Variants in ATAD2 observed in about 807,000 individuals in gnomAD.
ATAD2 encodes ATPase family AAA domain-containing protein 2.
Under a neutral mutation model 168.9 loss-of-function variants are expected in ATAD2, and 62 were observed. The observed-to-expected ratio is 0.37, with a 90% confidence interval of 0.30 to 0.45. The LOEUF (loss-of-function observed/expected upper bound fraction) is 0.45. ATAD2 is among the 20% of genes least tolerant of loss of function. ATAD2 has a pLI of 1.00. For synonymous variants in ATAD2, 613 were observed against 571.6 expected (o/e 1.07, Z -1.03); for missense variants, 1,419 against 1,667.8 (o/e 0.85, Z 2.60).
At chr8:123,360,271 G>T (rs914119616) in intron 9 of ATAD2, among the ~76,000 whole-genome samples, 7 of 152,144 alleles carry the variant, frequency 4.6e-5, no homozygotes, top group African/African-American at 1.7e-4. Flanking sequence ...AATATTCGCA[G>T]TCTACCAGCA....
At chr8:123,373,481 A>G (rs1829211167) in intron 2 of ATAD2, among the ~76,000 whole-genome samples, 1 of 152,136 alleles carries the variant, frequency 6.6e-6, no homozygotes, top group African/African-American at 2.4e-5. Flanking sequence ...AGATACCTAA[A>G]AACTTAAAAT....
At chr8:123,330,100 T>TAGGA (rs1254744531) in intron 24 of ATAD2, among the ~76,000 whole-genome samples, 2 of 148,930 alleles carry the variant, frequency 1.3e-5, no homozygotes, top group Non-Finnish European at 3.0e-5. Flanking sequence ...GCAATCCTCC[T>TAGGA]ACCTCAGTCT....
At chr8:123,403,714 T>A (rs891584742) in intron 1 of ATAD2, among the ~76,000 whole-genome samples, 1 of 152,110 alleles carries the variant, frequency 6.6e-6, no homozygotes, top group Non-Finnish European at 1.5e-5. Flanking sequence ...AGAACAGATG[T>A]AGAATGAAAA....
chr8:123,382,261 T>A lies in ATAD2; in HGVS notation c.172-1584A>T, dbSNP rs534857807. ...TTTTATCAGGGCATTTATTTTTGAT[T>A]TGAGCAAAATATTTGGTTGGTTCAC... is the stretch of plus-strand genomic sequence containing the variant. On this transcript the variant is annotated intron_variant, in intron 1 of 27. Transcript: ENST00000287394. Among the ~76,000 whole-genome samples the A allele has an allele frequency of 7.9e-5, 12 of 152,330 alleles. No homozygotes were observed. In the South Asian group the frequency reaches 2.5e-3, roughly 32 times the overall value.
intron 1 of ATAD2, among the ~76,000 whole-genome samples, chr8:123,389,976 ATATATATAT>A (rs1273366040): frequency 1.8e-4 from 22 of 121,310 alleles, no homozygotes; most frequent in African/African-American, 7.2e-4. Flanking sequence ...ATATATATAT[ATATATATAT>A]TTTTTTTTTT....
intron 24 of ATAD2, 72 bp from the exon 25 acceptor site, chr8:123,328,651 CT>C: frequency 1.4e-6 from 2 of 1,397,080 alleles, no homozygotes; most frequent in Non-Finnish European, 1.9e-6. Context: ...GTGAAAAACC[CT>C]GATATATGAA....
chr8:123,396,074 C>G (rs1812810165), intron 1 of ATAD2, 113 bp downstream of exon 1: 23 of 1,225,476 alleles, frequency 1.9e-5, no homozygotes, highest in Non-Finnish European at 2.2e-5. Flanking sequence ...CACTTCTCCC[C>G]CGACAACTGT....
At chr8:123,388,468 A>G (rs968690939) in intron 1 of ATAD2, among the ~76,000 whole-genome samples, 1 of 152,110 alleles carries the variant, frequency 6.6e-6, no homozygotes, top group Non-Finnish European at 1.5e-5. Context: ...ATCTCAGCTC[A>G]CTGCAACCTC....
upstream of ATAD2, chr8:123,401,173 A>G: frequency 2.0e-6 from 2 of 987,052 alleles, no homozygotes; most frequent in African/African-American, 1.6e-5. Flanking sequence ...GGCAAATGAG[A>G]TCCTGCAGCA....
intron 8 of ATAD2, among the ~76,000 whole-genome samples, 175 bp from the exon 9 acceptor site, chr8:123,361,821 TAAAC>T (rs1210822089): frequency 6.6e-6 from 1 of 152,088 alleles, no homozygotes; most frequent in African/African-American, 2.4e-5. Flanking sequence ...ATAAAAGACT[TAAAC>T]AACTGAGAGG....
At chr8:123,379,562 AT>A (rs67580328) in intron 2 of ATAD2, among the ~76,000 whole-genome samples, 121,395 of 130,114 alleles carry the variant, frequency 0.93, 56,580 homozygotes, top group East Asian at 0.99. Context: ...GTACATACTA[AT>A]TTTTTTTTTT....
chr8:123,338,980 C>T lies in ATAD2; in HGVS notation c.2854+331G>A, dbSNP rs2131304895. On this transcript the variant is annotated intron_variant, in intron 20 of 27. Transcript: ENST00000287394. Reference sequence around the variant, plus strand: ...TTTACTGATGAGAGAGCAAGCATTACTAAAATAGTGAAAAGGTAAAATTAT... The same window carrying T: ...TTTACTGATGAGAGAGCAAGCATTATTAAAATAGTGAAAAGGTAAAATTAT... Among the ~76,000 whole-genome samples, 4 of 152,018 alleles carry T rather than the reference C, an allele frequency of 2.6e-5. No homozygotes were observed. In the South Asian group the frequency reaches 8.3e-4, roughly 32 times the overall value.
At chr8:123,349,230 T>C in intron 14 of ATAD2, 55 bp downstream of exon 14, 1 of 1,546,574 alleles carries the variant, frequency 6.5e-7, no homozygotes, top group Non-Finnish European at 8.8e-7. Context: ...CCAAGACTTA[T>C]TATTAATAAA....
chr8:123,342,251 T>C (rs1319261780), intron 19 of ATAD2, among the ~76,000 whole-genome samples: 2 of 152,232 alleles, frequency 1.3e-5, no homozygotes, highest in African/African-American at 4.8e-5. Context: ...ACTTTATTAA[T>C]AGCCCTAATG....
intron 1 of ATAD2, among the ~76,000 whole-genome samples, chr8:123,393,701 G>A (rs1475363968): frequency 2.6e-5 from 4 of 152,120 alleles, no homozygotes. Flanking sequence ...CCGATCACCT[G>A]AGACCGGGAG....
intron 1 of ATAD2, 124 bp downstream of exon 1, chr8:123,396,063 A>G: frequency 1.8e-6 from 2 of 1,139,942 alleles, no homozygotes; most frequent in East Asian, 2.9e-5. Flanking sequence ...GTCCTCGACC[A>G]CACTTCTCCC....
At position 123,349,194 on chromosome 8, in the gene ATAD2, T is replaced by C. The variant is rs1400649228; in HGVS notation, c.1806+91A>G. 7 of 1,327,604 alleles carry C rather than the reference T, an allele frequency of 5.3e-6. No individual in the cohort carries two copies. In the East Asian group the frequency reaches 1.4e-4, roughly 27 times the overall value. 82.2% of individuals were successfully genotyped at this position (1,327,604 alleles called of 1,614,324 possible). On this transcript the variant is annotated intron_variant, in intron 14 of 27. Coordinates refer to ENST00000287394, the MANE Select transcript of ATAD2 (RefSeq NM_014109.4). ...ATTTGACAAGACCATGATACAAAAC[T>C]CAAGAATCTCCAAATTTTTACTATA...
At chr8:123,376,716 A>G (rs1280470648) in intron 2 of ATAD2, among the ~76,000 whole-genome samples, 1 of 152,126 alleles carries the variant, frequency 6.6e-6, no homozygotes, top group Non-Finnish European at 1.5e-5. Flanking sequence ...GCACTTTGGG[A>G]GGCTGAGGCA....
At chr8:123,333,781 G>T in intron 24 of ATAD2, 97 bp downstream of exon 24, 1 of 1,280,048 alleles carries the variant, frequency 7.8e-7, no homozygotes, top group Non-Finnish European at 1.1e-6. Context: ...GTAATTCACT[G>T]CATTAACACA....
Sources: gnomAD v4.1 joint callset for allele counts (sites outside exome capture counted in the v4.1 genomes callset) on GRCh38, gnomAD v4.1.1 for gene constraint, MANE v1.5 for transcripts, NCBI Gene and HGNC (gene_info 2026-07-23, HGNC 2026-07-21) for gene names.